MGAT4C: variants seen among roughly 807,000 people sequenced by gnomAD.
The protein encoded by MGAT4C is MGAT4 family member C.
In MGAT4C, 19 loss-of-function variants were observed where a neutral mutation model predicts 40.1. The ratio of observed to expected loss-of-function variants is 0.47; its 90% CI spans 0.33 to 0.70. MGAT4C has a LOEUF of 0.70. Ranked by LOEUF, MGAT4C falls within the 30% of genes least tolerant of loss-of-function variation. MGAT4C has a pLI of 0.02. For missense variants in MGAT4C, 491 were observed against 563.2 expected, an observed-to-expected ratio of 0.87 and a Z score of 1.30; for synonymous variants, 181 against 187.1, an observed-to-expected ratio of 0.97 and a Z score of 0.27.
chr12:86,221,201 G>C (rs143103936), intron 1 of MGAT4C, among the ~76,000 whole-genome samples: 4 of 151,990 alleles, frequency 2.6e-5, no homozygotes, highest in African/African-American at 7.3e-5. Flanking sequence ...CTGTTTACTC[G>C]TGGGGGCTTC....
intron 1 of MGAT4C, among the ~76,000 whole-genome samples, chr12:86,098,703 A>G (rs1461613299): frequency 1.3e-5 from 2 of 151,630 alleles, no homozygotes; most frequent in Non-Finnish European, 3.0e-5. Flanking sequence ...GGAATTTACT[A>G]TGCATGTGTG....
intron 1 of MGAT4C, among the ~76,000 whole-genome samples, chr12:86,133,185 A>C (rs544710368): frequency 6.6e-6 from 1 of 152,352 alleles, no homozygotes; most frequent in African/African-American, 2.4e-5. Context: ...AAGCAGATAA[A>C]ATGTACTTAG....
chr12:86,721,067 G>A (rs1294821458), intron 2 of MGAT4C, among the ~76,000 whole-genome samples: 2 of 152,090 alleles, frequency 1.3e-5, no homozygotes, highest in Admixed American at 6.6e-5. Flanking sequence ...ATATGTGTTT[G>A]CTGATAGGTA....
At chr12:86,615,048 CA>C (rs1157099723) in intron 2 of MGAT4C, among the ~76,000 whole-genome samples, 2 of 151,764 alleles carry the variant, frequency 1.3e-5, no homozygotes, top group Non-Finnish European at 2.9e-5. Flanking sequence ...AAACAATTGG[CA>C]GTATTACTGA....
intron 2 of MGAT4C, among the ~76,000 whole-genome samples, chr12:86,686,409 G>C (rs1950072728): frequency 6.6e-6 from 1 of 152,090 alleles, no homozygotes; most frequent in African/African-American, 2.4e-5. Context: ...TCCTTATCTT[G>C]TGCCAGTTTT....
At chr12:86,067,373 T>A (rs1894646878) in intron 1 of MGAT4C, among the ~76,000 whole-genome samples, 1 of 152,118 alleles carries the variant, frequency 6.6e-6, no homozygotes, top group African/African-American at 2.4e-5. Flanking sequence ...GAATACTATG[T>A]AGCCATAAAA....
chr12:86,010,345 CA>C (rs1408809458), intron 2 of MGAT4C, among the ~76,000 whole-genome samples: 2 of 152,114 alleles, frequency 1.3e-5, no homozygotes, highest in African/African-American at 4.8e-5. Context: ...AAAATATCTG[CA>C]AAACTACTAG....
chr12:86,394,004 A>C (rs987606090), intron 3 of MGAT4C, among the ~76,000 whole-genome samples: 1 of 152,120 alleles, frequency 6.6e-6, no homozygotes, highest in South Asian at 2.1e-4. Flanking sequence ...TTTTCTTCCT[A>C]GTATAAAGAA....
chr12:86,490,172 AG>A, intron 2 of MGAT4C, among the ~76,000 whole-genome samples: 1 of 152,194 alleles, frequency 6.6e-6, no homozygotes, highest in East Asian at 1.9e-4. Context: ...GCAGCCAGAG[AG>A]AAAGGTCGGG....
intron 1 of MGAT4C, among the ~76,000 whole-genome samples, chr12:86,794,929 A>T (rs1341114138): frequency 4.6e-5 from 7 of 151,876 alleles, no homozygotes; most frequent in Non-Finnish European, 1.0e-4. Context: ...TAAAAATGGA[A>T]CCACTGCACC....
intron 2 of MGAT4C, among the ~76,000 whole-genome samples, chr12:86,670,181 C>T (rs1186266415): frequency 6.6e-6 from 1 of 151,988 alleles, no homozygotes; most frequent in Non-Finnish European, 1.5e-5. Context: ...CAAAGGATGG[C>T]CCTAGCTCTC....
chr12:86,478,587 A>G (rs576732878), intron 2 of MGAT4C, among the ~76,000 whole-genome samples: 16 of 152,244 alleles, frequency 1.1e-4, no homozygotes, highest in African/African-American at 3.6e-4. Flanking sequence ...TTTAAAATTC[A>G]GGTTTTTCTG....
chr12:86,447,280 C>A (rs1220836002), intron 2 of MGAT4C, among the ~76,000 whole-genome samples: 1 of 152,102 alleles, frequency 6.6e-6, no homozygotes, highest in Non-Finnish European at 1.5e-5. Context: ...CATGTGCCAC[C>A]ACTCCTGGCT....
At chr12:86,062,107 A>T (rs1332764518) in intron 1 of MGAT4C, among the ~76,000 whole-genome samples, 1 of 152,146 alleles carries the variant, frequency 6.6e-6, no homozygotes, top group Non-Finnish European at 1.5e-5. Context: ...GGGCCAACAG[A>T]CACCTCATAT....
At chr12:86,146,986 C>T (rs1376960519) in intron 1 of MGAT4C, among the ~76,000 whole-genome samples, 1 of 152,182 alleles carries the variant, frequency 6.6e-6, no homozygotes, top group Non-Finnish European at 1.5e-5. Flanking sequence ...AACAAACAGA[C>T]TAAATTATCA....
At chr12:86,789,073 G>C (rs1325951291) in intron 1 of MGAT4C, among the ~76,000 whole-genome samples, 4 of 152,064 alleles carry the variant, frequency 2.6e-5, no homozygotes, top group Non-Finnish European at 4.4e-5. Flanking sequence ...GTGAAAGTAG[G>C]AAGGACTCAG....
chr12:86,341,839 C>A (rs903105499), intron 3 of MGAT4C, among the ~76,000 whole-genome samples: 1 of 152,176 alleles, frequency 6.6e-6, no homozygotes, highest in African/African-American at 2.4e-5. Context: ...AGCTCTCCAG[C>A]CATCAGACAT....
intron 4 of MGAT4C, among the ~76,000 whole-genome samples, chr12:86,314,512 T>G (rs1247825678): frequency 1.3e-5 from 2 of 152,254 alleles, no homozygotes; most frequent in Admixed American, 1.3e-4. Context: ...TATCTCTATT[T>G]GCTGTCAATA....
chr12:86,275,435 C>T (rs1953050748), intron 4 of MGAT4C, among the ~76,000 whole-genome samples: 1 of 152,146 alleles, frequency 6.6e-6, no homozygotes, highest in Non-Finnish European at 1.5e-5. Flanking sequence ...GCAATCAGTA[C>T]AATGCCCAGC....
Sources: allele counts gnomAD v4.1 joint callset (sites outside exome capture counted in the v4.1 genomes callset), GRCh38; gene constraint gnomAD v4.1.1; transcripts MANE v1.5; gene names NCBI Gene and HGNC (gene_info 2026-07-23, HGNC 2026-07-21).